The following THSD7B variants were observed in gnomAD, a reference collection of about 807,000 sequenced individuals.
THSD7B encodes thrombospondin type-1 domain-containing protein 7B.
A neutral mutation model predicts 213.6 loss-of-function variants in THSD7B; 138 were observed. That is an observed-to-expected ratio of 0.65 (90% confidence interval 0.56 to 0.74). The LOEUF (loss-of-function observed/expected upper bound fraction) is 0.74. THSD7B is among the 30% of genes least tolerant of loss of function. THSD7B has a pLI of 0.00. For synonymous variants in THSD7B, 742 were observed against 687.0 expected (o/e 1.08, Z -1.25); for missense variants, 1,931 against 1,991.5 (o/e 0.97, Z 0.58).
At chr2:137,070,262 T>C (rs1324564468) in intron 3 of THSD7B, among the ~76,000 whole-genome samples, 1 of 151,974 alleles carries the variant, frequency 6.6e-6, no homozygotes, top group African/African-American at 2.4e-5. Context: ...TTAGTTCATA[T>C]TAGTTATTCA....
At chr2:136,778,863 G>A (rs771497369) in intron 1 of THSD7B, among the ~76,000 whole-genome samples, 4 of 152,094 alleles carry the variant, frequency 2.6e-5, no homozygotes, top group Non-Finnish European at 5.9e-5. Context: ...CCTTCCCTGG[G>A]CCTATAAGTC....
At chr2:137,061,301 C>CAA (rs35908147) in intron 3 of THSD7B, among the ~76,000 whole-genome samples, 24,201 of 144,882 alleles carry the variant, frequency 0.17, 1,990 homozygotes, top group Non-Finnish European at 0.21. Context: ...ATGTCATCTG[C>CAA]AAAAAAAAAA....
chr2:136,901,690 C>T (rs1684065538), intron 2 of THSD7B, among the ~76,000 whole-genome samples: 1 of 152,106 alleles, frequency 6.6e-6, no homozygotes, highest in African/African-American at 2.4e-5. Context: ...AGGAGAAATT[C>T]CCCCCAGGGA....
intron 17 of THSD7B, among the ~76,000 whole-genome samples, chr2:137,596,088 G>T (rs547770969): frequency 6.6e-6 from 1 of 151,914 alleles, no homozygotes; most frequent in Admixed American, 6.6e-5. Context: ...TGAGATTATT[G>T]TAAGCCAGAA....
At chr2:136,805,414 G>A (rs911315041) in intron 1 of THSD7B, among the ~76,000 whole-genome samples, 1 of 152,196 alleles carries the variant, frequency 6.6e-6, no homozygotes, top group African/African-American at 2.4e-5. Context: ...GGGGAGAGAT[G>A]ATCTGTTTCA....
At chr2:137,218,776 C>T (rs1681303817) in intron 7 of THSD7B, among the ~76,000 whole-genome samples, 1 of 151,928 alleles carries the variant, frequency 6.6e-6, no homozygotes, top group African/African-American at 2.4e-5. Context: ...TTCTGTTTTT[C>T]TGATTGTTAT....
intron 2 of THSD7B, among the ~76,000 whole-genome samples, chr2:136,941,843 T>C (rs973187627): frequency 2.0e-5 from 3 of 152,236 alleles, no homozygotes; most frequent in East Asian, 3.8e-4. Flanking sequence ...AGAAACTCTT[T>C]AGGTTAATTA....
At chr2:137,048,611 C>A (rs749153726) in intron 2 of THSD7B, among the ~76,000 whole-genome samples, 3 of 152,206 alleles carry the variant, frequency 2.0e-5, no homozygotes, top group Non-Finnish European at 4.4e-5. Context: ...GAAATGTTTG[C>A]ATGCTCTCTG....
intron 18 of THSD7B, 42 bp from the exon 19 acceptor site, chr2:137,618,350 C>A: frequency 6.5e-7 from 1 of 1,540,838 alleles, no homozygotes; most frequent in Non-Finnish European, 8.9e-7. Flanking sequence ...GCTCACATGG[C>A]CATAATTTTG....
At chr2:136,928,281 A>G (rs1269047991) in intron 2 of THSD7B, among the ~76,000 whole-genome samples, 2 of 152,230 alleles carry the variant, frequency 1.3e-5, no homozygotes, top group African/African-American at 2.4e-5. Flanking sequence ...TGAACGCTGT[A>G]CTAAAAATGA....
intron 21 of THSD7B, among the ~76,000 whole-genome samples, chr2:137,653,481 A>G (rs561158739): frequency 1.3e-5 from 2 of 151,884 alleles, no homozygotes; most frequent in Non-Finnish European, 1.5e-5. Context: ...CAAGTTTTGG[A>G]AAGTTTTCTG....
At chr2:137,213,030 T>A (rs868601280) in intron 7 of THSD7B, among the ~76,000 whole-genome samples, 18 of 126,754 alleles carry the variant, frequency 1.4e-4, no homozygotes, top group Admixed American at 2.4e-4. Context: ...ATCTGTATGC[T>A]AAAAAAAAAA....
At chr2:137,499,458 T>A (rs150035940) in intron 15 of THSD7B, among the ~76,000 whole-genome samples, 1 of 152,188 alleles carries the variant, frequency 6.6e-6, no homozygotes, top group Non-Finnish European at 1.5e-5. Flanking sequence ...ACAAAATAAT[T>A]TTCCCATTGC....
chr2:136,898,919 G>A (rs1409024042), intron 2 of THSD7B, among the ~76,000 whole-genome samples: 2 of 152,100 alleles, frequency 1.3e-5, no homozygotes, highest in Non-Finnish European at 2.9e-5. Flanking sequence ...GGGATTACAG[G>A]TGTGAGCCAC....
Position 137,275,967 on chromosome 2 carries a change from C to G in THSD7B, c.2441C>G (p.Ser814Cys), listed in dbSNP as rs184576729. The G allele has an allele frequency of 1.9e-6, 3 of 1,612,258 alleles. No individual in the cohort carries two copies. Among genetic ancestry groups the G allele is most frequent in the Non-Finnish European group, 2.5e-6 (3 of 1,178,932 alleles). Residue 814 changes from serine (S) to cysteine (C), a missense_variant, in exon 12 of 28, where the codon TCT becomes TGT. Transcript: ENST00000409968. ...KWSPCILVPE[S>C]VWQGITGSSE... ...AGCCCTTGCATCTTAGTGCCAGAGT[C>G]TGTCTGGCAGGGAATAACGGGCAGC... is the stretch of plus-strand genomic sequence containing the variant.
At chr2:137,030,964 T>C (rs931836397) in intron 2 of THSD7B, among the ~76,000 whole-genome samples, 1 of 152,196 alleles carries the variant, frequency 6.6e-6, no homozygotes, top group African/African-American at 2.4e-5. Flanking sequence ...TTTAAACCAC[T>C]AGGTTGTAGT....
At chr2:136,868,447 C>A (rs778179) in intron 1 of THSD7B, among the ~76,000 whole-genome samples, 48,972 of 151,830 alleles carry the variant, frequency 0.32, 8,734 homozygotes, top group Middle Eastern at 0.43. Flanking sequence ...ATTTTATAGG[C>A]TTATAAACTT....
chr2:136,827,397 T>C, intron 1 of THSD7B, among the ~76,000 whole-genome samples: 1 of 152,198 alleles, frequency 6.6e-6, no homozygotes, highest in Admixed American at 6.5e-5. Flanking sequence ...GTCTTAAGCA[T>C]CAAGGAGAAA....
rs1247428282 is a variant in THSD7B, at chr2:137,399,195, C to CT, written c.2501-6403dup. On this transcript the variant is annotated intron_variant, in intron 12 of 27. Transcript: ENST00000409968. ...CGGCCATCTTGGCTCCTCCCCACCC[C>CT]TTTTTTTTTTTTTTTAAACACAAGT... Among the ~76,000 whole-genome samples the CT allele has an allele frequency of 2.1e-3, 204 of 98,054 alleles. 1 individual carries two copies. Among genetic ancestry groups the CT allele is most frequent in the South Asian group, 0.015 (32 of 2,094 alleles). The allele number at this position is 98,054 out of a possible 152,430, so 64.3% of individuals were successfully genotyped here. A position where few individuals can be genotyped will look rare whatever the true frequency, so the allele number is the denominator to read the frequency against.
Sources: gnomAD v4.1 joint callset for allele counts (sites outside exome capture counted in the v4.1 genomes callset) on GRCh38, gnomAD v4.1.1 for gene constraint, MANE v1.5 for transcripts, NCBI Gene and HGNC (gene_info 2026-07-23, HGNC 2026-07-21) for gene names.